The following ARL15 variants were observed in gnomAD, a reference collection of about 807,000 sequenced individuals.
The protein encoded by ARL15 is ARF like GTPase 15.
ARL15 carries 19 observed loss-of-function variants against 25.2 expected under a neutral mutation model. The observed-to-expected ratio is 0.75, with a 90% CI of 0.53 to 1.10. The LOEUF (loss-of-function observed/expected upper bound fraction) is 1.10, where lower values mean the gene tolerates loss of function less well. Among genes scored for constraint, ARL15 ranks in the 50% least tolerant of loss-of-function variants. The pLI is 0.00. For synonymous variants in ARL15, 94 were observed against 86.8 expected, an observed-to-expected ratio of 1.08 and a Z score of -0.46; for missense variants, 220 against 246.0, an observed-to-expected ratio of 0.89 and a Z score of 0.71.
chr5:54,140,035 C>G (rs1184788531), intron 3 of ARL15, among the ~76,000 whole-genome samples: 1 of 152,046 alleles, frequency 6.6e-6, no homozygotes, highest in Non-Finnish European at 1.5e-5. Context: ...GCAAAATAGA[C>G]AACTATATAT....
At chr5:54,007,976 G>A (rs939788433) in intron 4 of ARL15, among the ~76,000 whole-genome samples, 1 of 152,182 alleles carries the variant, frequency 6.6e-6, no homozygotes, top group African/African-American at 2.4e-5. Context: ...ATACATCTCA[G>A]TGAGTCATGC....
chr5:54,055,869 A>G (rs1477448111), intron 4 of ARL15, among the ~76,000 whole-genome samples: 3 of 152,008 alleles, frequency 2.0e-5, no homozygotes, highest in Admixed American at 2.0e-4. Context: ...TATCATGTGT[A>G]TTTCTCCTCC....
chr5:53,896,556 T>C (rs116673818), intron 4 of ARL15, among the ~76,000 whole-genome samples: 13,052 of 152,116 alleles, frequency 0.086, 693 homozygotes, highest in Non-Finnish European at 0.13. Flanking sequence ...TGCCATGGCA[T>C]GATCTCGGCT....
rs70986652 is a variant in ARL15, at chr5:53,958,192, GA to G, written c.463-71480del. 9.0e-3 allele frequency among the ~76,000 whole-genome samples: 1,051 copies of G among 116,172 alleles called. 10 individuals are homozygous for G. Among genetic ancestry groups the G allele is most frequent in the African/African-American group, 0.029 (935 of 32,088 alleles). 76.2% of individuals were successfully genotyped at this position (116,172 alleles called of 152,430 possible). A position where few individuals can be genotyped will look rare whatever the true frequency, so the allele number is the denominator to read the frequency against. ...GCCACTGACTCTGTCTCAAAAAAAA[GA>G]AAAAAAAAAAAGACAAATGCAAAAA... On this transcript the variant is annotated intron_variant, in intron 4 of 4. Coordinates refer to ENST00000504924, the MANE Select transcript of ARL15 (RefSeq NM_019087.3).
chr5:54,110,785 T>C, intron 4 of ARL15, among the ~76,000 whole-genome samples: 1 of 152,068 alleles, frequency 6.6e-6, no homozygotes, highest in Non-Finnish European at 1.5e-5. Flanking sequence ...TCTTCTATAA[T>C]ACCAATGCCT....
At chr5:54,089,348 A>C (rs1372151919) in intron 4 of ARL15, among the ~76,000 whole-genome samples, 2 of 152,198 alleles carry the variant, frequency 1.3e-5, no homozygotes, top group African/African-American at 4.8e-5. Context: ...ATCTAATACT[A>C]TACAAGGGTG....
chr5:54,106,857 ATAT>A (rs1407841167), intron 4 of ARL15, among the ~76,000 whole-genome samples: 1 of 152,042 alleles, frequency 6.6e-6, no homozygotes, highest in African/African-American at 2.4e-5. Flanking sequence ...CGAAATTCTA[ATAT>A]TATGATTTGG....
chr5:54,055,659 C>T (rs1197539666), intron 4 of ARL15, among the ~76,000 whole-genome samples: 1 of 152,082 alleles, frequency 6.6e-6, no homozygotes, highest in African/African-American at 2.4e-5. Context: ...CTGCACCTGG[C>T]CTATCATTCC....
chr5:54,083,104 C>T (rs970411457), intron 4 of ARL15, among the ~76,000 whole-genome samples: 1 of 152,154 alleles, frequency 6.6e-6, no homozygotes, highest in African/African-American at 2.4e-5. Flanking sequence ...ATTTTTCTCA[C>T]TAGTTATGTT....
intron 1 of ARL15, among the ~76,000 whole-genome samples, chr5:54,182,810 CTTCTT>C: frequency 6.6e-6 from 1 of 152,050 alleles, no homozygotes; most frequent in South Asian, 2.1e-4. Flanking sequence ...TTGTTTGTAT[CTTCTT>C]TTATTTCCTT....
chr5:54,177,026 T>TA (rs1754895762), intron 1 of ARL15, among the ~76,000 whole-genome samples: 1 of 151,928 alleles, frequency 6.6e-6, no homozygotes, highest in African/African-American at 2.4e-5. Flanking sequence ...TAGCAGCAAA[T>TA]AGAGAACAGA....
intron 2 of ARL15, among the ~76,000 whole-genome samples, chr5:54,165,874 A>T (rs1387945318): frequency 2.0e-5 from 3 of 152,116 alleles, no homozygotes; most frequent in Non-Finnish European, 4.4e-5. Context: ...ACGCAGTTCA[A>T]GTCCAAAGGC....
At chr5:53,903,551 G>A (rs1042366985) in intron 4 of ARL15, among the ~76,000 whole-genome samples, 1 of 152,168 alleles carries the variant, frequency 6.6e-6, no homozygotes, top group Non-Finnish European at 1.5e-5. Context: ...GAAAAACCTT[G>A]CTCTGAACTG....
Position 54,262,914 on chromosome 5 carries a change from G to A in ARL15, c.48+47518C>T, listed in dbSNP as rs190396896. ...CGGGCACTGGCAACAAAAAGTATTT[G>A]GGAACATAATAGGCACAAAGGGAGT... On this transcript the variant is annotated intron_variant, in intron 1 of 4. Coordinates refer to ENST00000504924, the MANE Select transcript of ARL15 (RefSeq NM_019087.3). 5.9e-5 allele frequency among the ~76,000 whole-genome samples: 9 copies of A among 152,232 alleles called. No homozygotes were observed. In the East Asian group the frequency reaches 1.7e-3, roughly 29 times the overall value.
At chr5:54,279,298 A>G (rs1032707578) in intron 1 of ARL15, among the ~76,000 whole-genome samples, 1 of 151,332 alleles carries the variant, frequency 6.6e-6, no homozygotes, top group Non-Finnish European at 1.5e-5. Flanking sequence ...AAAACAAAAT[A>G]CCTTAGACTG....
chr5:54,082,381 T>C (rs769543623), intron 4 of ARL15, among the ~76,000 whole-genome samples: 3 of 152,212 alleles, frequency 2.0e-5, no homozygotes, highest in Non-Finnish European at 2.9e-5. Flanking sequence ...TCCTTATAGG[T>C]TGACTTTTTT....
chr5:54,091,671 G>A (rs971986044), intron 4 of ARL15, among the ~76,000 whole-genome samples: 18 of 152,094 alleles, frequency 1.2e-4, no homozygotes, highest in South Asian at 4.1e-4. Flanking sequence ...ACTGACAGTC[G>A]GGCTTGTGCC....
At chr5:53,887,851 TTGCCAGTACCAG>T (rs1351495681) in intron 4 of ARL15, among the ~76,000 whole-genome samples, 1 of 152,182 alleles carries the variant, frequency 6.6e-6, no homozygotes, top group Non-Finnish European at 1.5e-5. Flanking sequence ...CGGTTTTATT[TTGCCAGTACCAG>T]TGCAGACTAC....
rs1407352565 is a variant in ARL15, at chr5:54,149,396, G to GA, written c.253+5183dup. Among the ~76,000 whole-genome samples, 192 of 147,930 alleles carry GA rather than the reference G, an allele frequency of 1.3e-3. 1 individual carries two copies. Among genetic ancestry groups the GA allele is most frequent in the African/African-American group, 2.4e-3 (95 of 40,374 alleles). ...TGGAAGAGAGGTATGACCACAAAGA[G>GA]AAAAAAAAAATCAATACATGATTTG... On this transcript the variant is annotated intron_variant, in intron 3 of 4. Transcript: ENST00000504924.
Sources: gnomAD v4.1 joint callset for allele counts (sites outside exome capture counted in the v4.1 genomes callset) on GRCh38, gnomAD v4.1.1 for gene constraint, MANE v1.5 for transcripts, NCBI Gene and HGNC (gene_info 2026-07-23, HGNC 2026-07-21) for gene names.